Variants in TRIM29 observed in about 807,000 individuals in gnomAD.
TRIM29 encodes the protein tripartite motif-containing protein 29.
A neutral mutation model predicts 57.3 loss-of-function variants in TRIM29; 52 were observed. That is an observed-to-expected ratio of 0.91 (90% confidence interval 0.73 to 1.14). TRIM29 has a LOEUF of 1.14. Among genes scored for constraint, TRIM29 ranks in the 50% most tolerant of loss-of-function variants. The pLI, the probability that TRIM29 is intolerant of heterozygous loss-of-function variation, is 0.00. For missense variants in TRIM29, 753 were observed against 774.6 expected (o/e 0.97, Z 0.33); for synonymous variants, 319 against 316.9 (o/e 1.01, Z -0.07).
chr11:120,123,345 C>T, intron 4 of TRIM29: 1 of 599,956 alleles, frequency 1.7e-6, no homozygotes, highest in Non-Finnish European at 3.1e-6. Flanking sequence ...TTACAAGGTG[C>T]TATTAATGCC....
chr11:120,125,572 T>G lies in TRIM29; in HGVS notation c.1333+119A>C, dbSNP rs1343517366. On this transcript the variant is annotated intron_variant, in intron 4 of 8. Transcript: ENST00000341846. ...TCCAAACGGCCTGAGGAAGGGTGGGTGGGTGGGTGGGAACAATGAGAAGAA... is the reference window on the plus strand; with the variant it reads ...TCCAAACGGCCTGAGGAAGGGTGGGGGGGTGGGTGGGAACAATGAGAAGAA... 5.6e-6 allele frequency: 5 copies of G among 894,694 alleles called. No homozygotes were observed. In the African/African-American group the frequency reaches 1.8e-4, roughly 32 times the overall value. The allele number at this position is 894,694 out of a possible 1,614,324, so 55.4% of individuals were successfully genotyped here.
At chr11:120,123,802 G>T (rs1474328267) in intron 4 of TRIM29, 1 of 311,212 alleles carries the variant, frequency 3.2e-6, no homozygotes, top group Non-Finnish European at 6.3e-6. Flanking sequence ...TTCATCACCT[G>T]CGCCTATCAG....
chr11:120,130,017 G>C (rs894660091), intron 1 of TRIM29, among the ~76,000 whole-genome samples: 2 of 152,204 alleles, frequency 1.3e-5, no homozygotes, highest in African/African-American at 4.8e-5. Flanking sequence ...GAAGCCAGCA[G>C]CCACTAAATA....
chr11:120,118,395 A>G, intron 6 of TRIM29, 74 bp from the exon 7 acceptor site: 1 of 1,213,768 alleles, frequency 8.2e-7, no homozygotes. Context: ...GGACACAGCC[A>G]GGTCTATGAC....
Position 120,115,340 on chromosome 11 carries a change from G to T in TRIM29, c.1702C>A (p.Leu568Met). Reference protein sequence around the residue: ...QTWKSGKQTMLSHYRPFYVNK... With the variant: ...QTWKSGKQTMMSHYRPFYVNK... ...CCTCCCGGCAGCACTTCCCTTACCA[G>T]CATAGTCTGCTTGCCAGATTTCCAA... Residue 568 changes from leucine to methionine, a missense_variant and splice_region_variant, in exon 8 of 9, where the codon CTG becomes ATG. Physicochemically the swap from Leu to Met is conservative, Grantham distance 15. Coordinates refer to ENST00000341846, the MANE Select transcript of TRIM29 (RefSeq NM_012101.4). The T allele has an allele frequency of 6.2e-7, 1 of 1,613,178 alleles. No individual in the cohort carries two copies. Among genetic ancestry groups the T allele is most frequent in the Non-Finnish European group, 8.5e-7 (1 of 1,179,726 alleles).
chr11:120,114,660 G>C (rs1863222381), intron 8 of TRIM29, among the ~76,000 whole-genome samples: 1 of 152,066 alleles, frequency 6.6e-6, no homozygotes. Flanking sequence ...TCTCAGTCAG[G>C]GTCAGATATG....
At chr11:120,122,459 G>A (rs1301342733) in intron 5 of TRIM29, among the ~76,000 whole-genome samples, 1 of 152,204 alleles carries the variant, frequency 6.6e-6, no homozygotes, top group African/African-American at 2.4e-5. Context: ...AGGGCCAAGG[G>A]GGCCAGGGTG....
chr11:120,123,145 C>T, intron 4 of TRIM29, 90 bp from the exon 5 acceptor site: 1 of 1,033,164 alleles, frequency 9.7e-7, no homozygotes, highest in Non-Finnish European at 1.5e-6. Flanking sequence ...TGAGTCACCC[C>T]ATAGCCCTTC....
Position 120,127,321 on chromosome 11 carries a change from G to C in TRIM29, c.1134+15C>G. 6.2e-7 allele frequency: 1 copy of C among 1,611,274 alleles called. No homozygotes were observed. The highest frequency in any genetic ancestry group is 1.1e-5 in the South Asian group (1 of 90,930). ...TGAAATCGAGGGCTTGAGTGACAGA[G>C]GAGTGGCTTGTTACCTGCAGAAACA... On this transcript the variant is annotated intron_variant, in intron 3 of 8. Transcript: ENST00000341846.
chr11:120,127,019 GATT>G (rs1863605241), intron 3 of TRIM29, among the ~76,000 whole-genome samples: 2 of 152,130 alleles, frequency 1.3e-5, no homozygotes, highest in Non-Finnish European at 2.9e-5. Flanking sequence ...CCCTCTACCC[GATT>G]CACTGATCTC....
intron 8 of TRIM29, chr11:120,113,507 G>C: frequency 4.9e-6 from 2 of 408,418 alleles, no homozygotes; most frequent in South Asian, 3.5e-5. Context: ...TCCCAATACA[G>C]GAGACATCAT....
intron 4 of TRIM29, chr11:120,123,713 C>T (rs470392): frequency 0.42 from 141,978 of 338,628 alleles, 31,193 homozygotes; most frequent in African/African-American, 0.54. Context: ...TCGACTTCCC[C>T]GTCTTCTACT....
At chr11:120,131,818 G>A (rs748367422) in intron 1 of TRIM29, among the ~76,000 whole-genome samples, 7 of 150,158 alleles carry the variant, frequency 4.7e-5, no homozygotes, top group Admixed American at 1.3e-4. Flanking sequence ...TTTAAAAGTC[G>A]CTGGGCTCTC....
At chr11:120,112,582 C>T in intron 8 of TRIM29, 106 bp from the exon 9 acceptor site, 2 of 1,235,062 alleles carry the variant, frequency 1.6e-6, no homozygotes, top group Non-Finnish European at 2.3e-6. Context: ...GATCCAAGAC[C>T]CGACAATTCT....
At chr11:120,120,840 G>A (rs1332507334) in intron 5 of TRIM29, 175 bp from the exon 6 acceptor site, 2 of 697,166 alleles carry the variant, frequency 2.9e-6, no homozygotes, top group Non-Finnish European at 5.2e-6. Flanking sequence ...GCATGCTTTT[G>A]AGAGTAGAAG....
At chr11:120,136,183 C>T (rs1256440689) in intron 1 of TRIM29, among the ~76,000 whole-genome samples, 1 of 152,172 alleles carries the variant, frequency 6.6e-6, no homozygotes, top group Non-Finnish European at 1.5e-5. Flanking sequence ...TACAGATGCT[C>T]CTCAACTTGT....
chr11:120,129,639 T>G (rs1477790171), intron 1 of TRIM29, among the ~76,000 whole-genome samples: 2 of 151,694 alleles, frequency 1.3e-5, no homozygotes, highest in African/African-American at 4.8e-5. Flanking sequence ...GCACACCTTC[T>G]GAACGCCCCA....
chr11:120,125,668 C>T, intron 4 of TRIM29, 23 bp downstream of exon 4: 1 of 1,613,544 alleles, frequency 6.2e-7, no homozygotes, highest in Non-Finnish European at 8.5e-7. Context: ...GGCCTTGGGG[C>T]CCAGCCACGA....
rs775346874 is a variant in TRIM29 at position 120,125,869 on chromosome 11, G to A, written c.1155C>T (p.Ser385=). ...GCAGGGGTGGGGGGAGAGAGTAATTGCTCATCAATGCACCAAATTCCTACC... is the reference window on the plus strand; with the variant it reads ...GCAGGGGTGGGGGGAGAGAGTAATTACTCATCAATGCACCAAATTCCTACC... The part of the protein sequence containing the change: ...LFLQEFGALM[S]NYSLPPPLPT... Residue 385 remains serine (S), a synonymous_variant, in exon 4 of 9, where the codon AGC becomes AGT. Transcript: ENST00000341846. The A allele has an allele frequency of 2.6e-5, 42 of 1,613,480 alleles. No individual in the cohort carries two copies. In the Admixed American group the frequency reaches 6.7e-4, roughly 26 times the overall value.
Sources: allele counts gnomAD v4.1 joint callset (sites outside exome capture counted in the v4.1 genomes callset), GRCh38; gene constraint gnomAD v4.1.1; transcripts MANE v1.5; gene names NCBI Gene and HGNC (gene_info 2026-07-23, HGNC 2026-07-21).